RPL5: variants seen among roughly 807,000 people sequenced by gnomAD.
RPL5 encodes the protein large ribosomal subunit protein uL18.
A neutral mutation model predicts 38.4 loss-of-function variants in RPL5; 1 was observed. The observed-to-expected ratio is 0.03, with a 90% confidence interval of 0.01 to 0.12. RPL5 has a LOEUF of 0.12. RPL5 is among the 10% of genes least tolerant of loss of function. The pLI, the probability that RPL5 is intolerant of heterozygous loss-of-function variation, is 1.00. For missense variants in RPL5, 243 were observed against 374.1 expected (o/e 0.65, Z 2.89); for synonymous variants, 109 against 121.2 (o/e 0.90, Z 0.66).
Position 92,835,232 on chromosome 1 carries a change from G to A in RPL5, c.324+319G>A, listed in dbSNP as rs1687071576. ...ACTTAATTGGACAATGAAGACCCTT[G>A]CTACTTAGGTATACATTCTGAATGT... On this transcript the variant is annotated intron_variant, in intron 4 of 7. Transcript: ENST00000370321. 7.1e-6 allele frequency: 3 copies of A among 424,122 alleles called. No individual in the cohort carries two copies. The Admixed American group carries it at 1.1e-4, about 15-fold the overall frequency. The allele number at this position is 424,122 out of a possible 1,614,324, so 26.3% of individuals were successfully genotyped here. A position where few individuals can be genotyped will look rare whatever the true frequency, so the allele number is the denominator to read the frequency against.
chr1:92,834,714 A>G (rs1687047532), intron 3 of RPL5, 65 bp from the exon 4 acceptor site: 3 of 1,598,664 alleles, frequency 1.9e-6, no homozygotes, highest in South Asian at 1.1e-5. Flanking sequence ...CCCTTGAAAA[A>G]TAATTAAGAT....
chr1:92,840,808 G>A, intron 7 of RPL5, 169 bp downstream of exon 7: 1 of 730,074 alleles, frequency 1.4e-6, no homozygotes, highest in South Asian at 1.4e-5. Flanking sequence ...AAATGTGTTA[G>A]CCTCAGACAC....
At chr1:92,832,026 G>C (rs1686921733), upstream of RPL5, 2 of 1,587,238 alleles carry the variant, frequency 1.3e-6, no homozygotes, top group African/African-American at 2.7e-5. Flanking sequence ...CTGCGCCTGC[G>C]CAAGGGCTGT....
chr1:92,836,255 C>T lies in RPL5; in HGVS notation c.390C>T (p.Tyr130=). ...AAGTGGAGGTGACTGGTGATGAATA[C>T]AATGTGGAAAGCATTGATGGTCAGC... ...EGQVEVTGDE[Y]NVESIDGQPG... Residue 130 remains tyrosine (Y), a synonymous_variant, in exon 5 of 8, where the codon TAC becomes TAT. Coordinates refer to ENST00000370321, the MANE Select transcript of RPL5 (RefSeq NM_000969.5). The T allele has an allele frequency of 1.9e-6, 3 of 1,613,854 alleles. No individual in the cohort carries two copies. Among genetic ancestry groups the T allele is most frequent in the Non-Finnish European group, 2.5e-6 (3 of 1,179,984 alleles).
chr1:92,836,095 G>C, intron 4 of RPL5, 95 bp from the exon 5 acceptor site: 2 of 1,160,246 alleles, frequency 1.7e-6, no homozygotes, highest in Non-Finnish European at 2.6e-6. Flanking sequence ...TTCTTTTCCA[G>C]ATGTCAGTGG....
intron 4 of RPL5, among the ~76,000 whole-genome samples, chr1:92,835,652 C>T (rs1446778138): frequency 9.8e-6 from 1 of 101,772 alleles, no homozygotes; most frequent in African/African-American, 3.9e-5. Flanking sequence ...AAGAGCGAAA[C>T]TGTGTCTCAA....
At chr1:92,839,735 A>C (rs1040293599) in intron 6 of RPL5, among the ~76,000 whole-genome samples, 7 of 152,248 alleles carry the variant, frequency 4.6e-5, no homozygotes, top group Non-Finnish European at 1.0e-4. Flanking sequence ...ACAGTATTTA[A>C]AATGAGAAGC....
chr1:92,834,949 G>T (rs773798078), intron 4 of RPL5, 36 bp downstream of exon 4: 1 of 1,599,710 alleles, frequency 6.3e-7, no homozygotes, highest in East Asian at 2.2e-5. Context: ...TGTAGTTTGT[G>T]GCTGATTGCT....
chr1:92,833,747 G>A, intron 3 of RPL5, 87 bp downstream of exon 3: 1 of 1,065,040 alleles, frequency 9.4e-7, no homozygotes, highest in Non-Finnish European at 1.4e-6. Flanking sequence ...GTGTTAGAAG[G>A]GCTGTCTAGC....
chr1:92,837,673 A>G, intron 6 of RPL5, 40 bp downstream of exon 6: 1 of 1,554,988 alleles, frequency 6.4e-7, no homozygotes, highest in Non-Finnish European at 8.8e-7. Flanking sequence ...TGGTTAATTT[A>G]TGGAAATAGG....
chr1:92,833,622 A>G lies in RPL5; in HGVS notation c.151A>G (p.Met51Val). 6.2e-7 allele frequency: 1 copy of G among 1,612,310 alleles called. No homozygotes were observed. The highest frequency in any genetic ancestry group is 2.2e-5 in the East Asian group (1 of 44,876). Reference sequence around the variant, plus strand: ...TAAATACAACACACCCAAATACAGGATGATAGTTCGTGTGACAAACAGAGA... The same window carrying G: ...TAAATACAACACACCCAAATACAGGGTGATAGTTCGTGTGACAAACAGAGA... ...KNKYNTPKYR[M>V]IVRVTNRDII... Residue 51 changes from methionine (M) to valine (V), a missense_variant, in exon 3 of 8, where the codon ATG (methionine) becomes GTG (valine). Met to Val is a conservative substitution (Grantham distance 21). Transcript: ENST00000370321.
At chr1:92,836,477 A>G (rs1557441170) in intron 5 of RPL5, 85 bp downstream of exon 5, 4 of 1,255,960 alleles carry the variant, frequency 3.2e-6, no homozygotes, top group East Asian at 2.3e-5. Flanking sequence ...TAACCGAATT[A>G]AAGTAGCTAT....
intron 1 of RPL5, chr1:92,832,800 T>G (rs962864163): frequency 1.8e-6 from 1 of 570,774 alleles, no homozygotes; most frequent in Non-Finnish European, 3.1e-6. Flanking sequence ...GGAACAGTGC[T>G]GTTTTAGTGG....
At chr1:92,836,460 G>A in intron 5 of RPL5, 68 bp downstream of exon 5, 2 of 1,425,464 alleles carry the variant, frequency 1.4e-6, no homozygotes, top group Non-Finnish European at 9.9e-7. Context: ...TAGTTGGACT[G>A]TGGAGATAAC....
rs779364652 is a variant in RPL5, at chr1:92,836,260, T to C, written c.395T>C (p.Val132Ala). The change falls in exon 5 of 8, where the codon GTG (valine) becomes GCG (alanine). Residue 132 changes from valine to alanine, a missense_variant. Transcript: ENST00000370321. ...GAGGTGACTGGTGATGAATACAATG[T>C]GGAAAGCATTGATGGTCAGCCAGGT... The part of the protein sequence containing the change: ...QVEVTGDEYN[V>A]ESIDGQPGAF... The C allele has an allele frequency of 6.2e-7, 1 of 1,613,950 alleles. No individual in the cohort carries two copies. The highest frequency in any genetic ancestry group is 8.5e-7 in the Non-Finnish European group (1 of 1,179,998).
chr1:92,837,615 C>T lies in RPL5; in HGVS notation c.687C>T (p.Asn229=). ...YKKQFSQYIK[N]SVTPDMMEEM... is the part of the protein sequence containing the mutation. Reference sequence around the variant, plus strand: ...AACAGTTCTCTCAATACATAAAGAACAGCGTAACTCCAGACATGGTAAAAC... The same window carrying T: ...AACAGTTCTCTCAATACATAAAGAATAGCGTAACTCCAGACATGGTAAAAC... Residue 229 remains asparagine (N), a synonymous_variant, in exon 6 of 8, where the codon AAC becomes AAT. Transcript: ENST00000370321. 1 of 1,612,000 alleles carries T rather than the reference C, an allele frequency of 6.2e-7. No individual in the cohort carries two copies. Among genetic ancestry groups the T allele is most frequent in the Non-Finnish European group, 8.5e-7 (1 of 1,179,586 alleles).
chr1:92,836,069 G>A (rs1687112567), intron 4 of RPL5, 121 bp from the exon 5 acceptor site: 1 of 847,018 alleles, frequency 1.2e-6, no homozygotes, highest in African/African-American at 1.7e-5. Flanking sequence ...TGAAAGGGTG[G>A]GTGTGGAAGG....
At chr1:92,833,702 G>T in intron 3 of RPL5, 42 bp downstream of exon 3, 1 of 1,514,582 alleles carries the variant, frequency 6.6e-7, no homozygotes, top group South Asian at 1.1e-5. Flanking sequence ...TATTGCTAGA[G>T]AAATTGTGCT....
intron 4 of RPL5, 31 bp from the exon 5 acceptor site, chr1:92,836,159 A>G (rs772902205): frequency 6.3e-7 from 1 of 1,589,476 alleles, no homozygotes; most frequent in South Asian, 1.1e-5. Flanking sequence ...TGAATAATTG[A>G]AACCAGCATT....
Sources: gnomAD v4.1 joint callset for allele counts (sites outside exome capture counted in the v4.1 genomes callset) on GRCh38, gnomAD v4.1.1 for gene constraint, MANE v1.5 for transcripts, NCBI Gene and HGNC (gene_info 2026-07-23, HGNC 2026-07-21) for gene names.